EPHA5: variants seen among roughly 807,000 people sequenced by gnomAD.
EPHA5 encodes the protein ephrin type-A receptor 5.
Under a neutral mutation model 105.0 loss-of-function variants are expected in EPHA5, and 60 were observed. That is an observed-to-expected ratio of 0.57 (90% CI 0.46 to 0.71). EPHA5 has a LOEUF of 0.71. Ranked by LOEUF, EPHA5 falls within the 30% of genes least tolerant of loss-of-function variation. The pLI, the probability that EPHA5 is intolerant of heterozygous loss-of-function variation, is 0.00. For missense variants in EPHA5, 1,218 were observed against 1,274.7 expected (o/e 0.96, Z 0.68); for synonymous variants, 513 against 449.1 (o/e 1.14, Z -1.80).
chr4:65,473,394 CAA>C (rs1001043064), intron 5 of EPHA5, among the ~76,000 whole-genome samples: 31 of 152,110 alleles, frequency 2.0e-4, no homozygotes, highest in African/African-American at 7.5e-4. Context: ...AGATACTACC[CAA>C]GAGTGGGTAA....
chr4:65,576,054 G>GAAAGAAAGAAAGAAAGA (rs1740931426), intron 3 of EPHA5, among the ~76,000 whole-genome samples: 1 of 81,558 alleles, frequency 1.2e-5, no homozygotes, highest in East Asian at 4.3e-4. Context: ...AAGAAAGAAA[G>GAAAGAAAGAAAGAAAGA]AAAGAAAAGA....
chr4:65,658,759 G>A (rs1749287929), intron 1 of EPHA5, among the ~76,000 whole-genome samples: 1 of 152,128 alleles, frequency 6.6e-6, no homozygotes, highest in East Asian at 1.9e-4. Flanking sequence ...CTGAGCCCGT[G>A]TTTTTACAAT....
intron 2 of EPHA5, among the ~76,000 whole-genome samples, chr4:65,633,292 T>A (rs1746815760): frequency 6.6e-6 from 1 of 152,018 alleles, no homozygotes; most frequent in African/African-American, 2.4e-5. Flanking sequence ...CATAAAGCAT[T>A]TGCTTTCAAA....
intron 15 of EPHA5, among the ~76,000 whole-genome samples, chr4:65,333,688 G>A (rs1395220147): frequency 7.2e-6 from 1 of 138,512 alleles, no homozygotes; most frequent in Non-Finnish European, 1.5e-5. Flanking sequence ...TTTCTATTTA[G>A]GCTATAACTC....
chr4:65,584,690 G>C (rs1205903467), intron 3 of EPHA5, among the ~76,000 whole-genome samples: 1 of 151,766 alleles, frequency 6.6e-6, no homozygotes, highest in Non-Finnish European at 1.5e-5. Context: ...TTAATTTTTA[G>C]AGTTTGTGGA....
chr4:65,647,684 T>G (rs954161502), intron 1 of EPHA5, among the ~76,000 whole-genome samples: 12 of 152,108 alleles, frequency 7.9e-5, no homozygotes, highest in African/African-American at 2.7e-4. Flanking sequence ...TTCATTCTAT[T>G]ATTTATATTT....
chr4:65,390,801 C>A (rs571850309), intron 8 of EPHA5, among the ~76,000 whole-genome samples: 2 of 152,042 alleles, frequency 1.3e-5, no homozygotes, highest in South Asian at 2.1e-4. Context: ...TAAAAGTATG[C>A]CATTTTTCTG....
In EPHA5 at chr4:65,353,091, A is replaced by G. The variant is rs1202151167; in HGVS notation, c.2186T>C (p.Met729Thr). Residue 729 changes from methionine to threonine, a missense_variant, in exon 12 of 17, where the codon ATG (methionine) becomes ACG (threonine). By Grantham distance (81) the Met-to-Thr change is moderately conservative. Coordinates refer to ENST00000613740, the MANE Select transcript of EPHA5 (RefSeq NM_001281766.3). ...ATTCTCCATATACTCTGTCACGATC[A>G]TCACTGGTTTACCTGAAAAGAAAAC... ...EGVVTKSKPV[M>T]IVTEYMENGS... is the part of the protein sequence containing the mutation. 6.4e-7 allele frequency: 1 copy of G among 1,557,580 alleles called. No homozygotes were observed. The highest frequency in any genetic ancestry group is 8.7e-7 in the Non-Finnish European group (1 of 1,154,102).
intron 3 of EPHA5, among the ~76,000 whole-genome samples, chr4:65,592,565 G>A (rs1303564611): frequency 6.6e-6 from 1 of 151,896 alleles, no homozygotes; most frequent in Non-Finnish European, 1.5e-5. Flanking sequence ...CACAAGGAAA[G>A]CACAAAGTGG....
chr4:65,599,366 C>CACACACACACAT (rs1743487173), intron 3 of EPHA5, among the ~76,000 whole-genome samples: 1 of 151,766 alleles, frequency 6.6e-6, no homozygotes, highest in Admixed American at 6.6e-5. Flanking sequence ...CACACACACA[C>CACACACACACAT]ACACACACAC....
intron 3 of EPHA5, chr4:65,573,762 G>C (rs1327806557): frequency 1.2e-6 from 2 of 1,611,716 alleles, no homozygotes; most frequent in African/African-American, 2.7e-5. Flanking sequence ...TGACAAGAAC[G>C]GCGGTACCCG....
chr4:65,426,668 G>T (rs1423965762), intron 5 of EPHA5, among the ~76,000 whole-genome samples: 1 of 152,042 alleles, frequency 6.6e-6, no homozygotes, highest in Non-Finnish European at 1.5e-5. Flanking sequence ...AGGATATATA[G>T]CACATGGTCC....
At chr4:65,569,827 C>T (rs1454624431) in intron 3 of EPHA5, among the ~76,000 whole-genome samples, 4 of 151,576 alleles carry the variant, frequency 2.6e-5, no homozygotes, top group Non-Finnish European at 4.4e-5. Flanking sequence ...CAATGATTCC[C>T]AATCCTGGTT....
intron 2 of EPHA5, among the ~76,000 whole-genome samples, chr4:65,628,892 C>G (rs1175032378): frequency 1.3e-5 from 2 of 151,970 alleles, no homozygotes; most frequent in African/African-American, 2.4e-5. Flanking sequence ...ATTTTTTTTT[C>G]TAACAGCCTT....
chr4:65,586,269 G>C (rs965074967), intron 3 of EPHA5, among the ~76,000 whole-genome samples: 5 of 151,214 alleles, frequency 3.3e-5, no homozygotes, highest in Non-Finnish European at 7.4e-5. Context: ...TTTCTTCATT[G>C]TACCCAATTT....
At chr4:65,568,443 A>G in intron 3 of EPHA5, among the ~76,000 whole-genome samples, 1 of 151,598 alleles carries the variant, frequency 6.6e-6, no homozygotes, top group East Asian at 1.9e-4. Flanking sequence ...ATATCAAATA[A>G]TCATATATTT....
chr4:65,471,983 C>CCAAAA lies in EPHA5; in HGVS notation c.1402+18389_1402+18393dup, dbSNP rs1214494930. Among the ~76,000 whole-genome samples, 9 of 152,204 alleles carry CCAAAA rather than the reference C, an allele frequency of 5.9e-5. 2 individuals carry two copies. The South Asian group carries it at 1.9e-3, about 32-fold the overall frequency. ...TTACACCAAATTAACCAGCGATAAC[C>CCAAAA]CAAAAGTGCATAGTCCAAAGTCTCA... On this transcript the variant is annotated intron_variant, in intron 5 of 16. Coordinates refer to ENST00000613740, the MANE Select transcript of EPHA5 (RefSeq NM_001281766.3).
intron 3 of EPHA5, among the ~76,000 whole-genome samples, chr4:65,496,357 C>T (rs1405520926): frequency 3.4e-5 from 5 of 147,750 alleles, no homozygotes; most frequent in Admixed American, 2.0e-4. Flanking sequence ...TTAGGTATAT[C>T]TCCCAATGCT....
intron 13 of EPHA5, among the ~76,000 whole-genome samples, chr4:65,348,847 G>A (rs528841808): frequency 9.3e-5 from 10 of 107,486 alleles, no homozygotes; most frequent in East Asian, 2.8e-4. Context: ...ACAGGGTCTC[G>A]CTCTGTCTCC....
Sources: allele counts gnomAD v4.1 joint callset (sites outside exome capture counted in the v4.1 genomes callset), GRCh38; gene constraint gnomAD v4.1.1; transcripts MANE v1.5; gene names NCBI Gene and HGNC (gene_info 2026-07-23, HGNC 2026-07-21).